The following AP4S1 variants were observed in gnomAD, a reference collection of about 807,000 sequenced individuals.
AP4S1 encodes the protein adaptor related protein complex 4 subunit sigma 1.
A neutral mutation model predicts 19.8 loss-of-function variants in AP4S1; 23 were observed. That is an observed-to-expected ratio of 1.16 (90% CI 0.84 to 1.65). AP4S1 has a LOEUF of 1.65. Among genes scored for constraint, AP4S1 ranks in the 40% most tolerant of loss-of-function variants. The probability of loss-of-function intolerance (pLI) is 0.00; values close to 1 mark genes in which losing one functional copy is unlikely to be tolerated. For synonymous variants in AP4S1, 46 were observed against 54.1 expected, an observed-to-expected ratio of 0.85 and a Z score of 0.66; for missense variants, 166 against 172.8, an observed-to-expected ratio of 0.96 and a Z score of 0.22.
chr14:31,033,927 G>C (rs754675074), intron 1 of AP4S1, among the ~76,000 whole-genome samples: 8 of 152,178 alleles, frequency 5.3e-5, no homozygotes, highest in Non-Finnish European at 8.8e-5. Flanking sequence ...TTGTTTAATA[G>C]CTAACTCATA....
At chr14:31,026,319 G>T in intron 1 of AP4S1, 1 of 978,910 alleles carries the variant, frequency 1.0e-6, no homozygotes. Flanking sequence ...GTTGCTGTGT[G>T]CCTGCCGTGG....
chr14:31,029,615 C>T (rs1172009335), intron 1 of AP4S1, among the ~76,000 whole-genome samples: 1 of 152,058 alleles, frequency 6.6e-6, no homozygotes, highest in Admixed American at 6.6e-5. Flanking sequence ...CCTAGGAATT[C>T]GAGACCAACC....
At chr14:31,036,863 G>C (rs1448218611) in intron 1 of AP4S1, among the ~76,000 whole-genome samples, 1 of 152,032 alleles carries the variant, frequency 6.6e-6, no homozygotes. Context: ...CGCCAGGCTG[G>C]AGTGCAGTGG....
intron 1 of AP4S1, among the ~76,000 whole-genome samples, chr14:31,044,477 AACTACAGGC>A (rs1314727303): frequency 1.3e-5 from 2 of 151,602 alleles, no homozygotes; most frequent in African/African-American, 4.8e-5. Flanking sequence ...AAGTAGCTGG[AACTACAGGC>A]ACATGCCACC....
chr14:31,088,357 A>C (rs1056414322), intron 5 of AP4S1, among the ~76,000 whole-genome samples: 1 of 152,124 alleles, frequency 6.6e-6, no homozygotes, highest in Non-Finnish European at 1.5e-5. Flanking sequence ...AGCAAGAGAG[A>C]TTTAGGGGAA....
intron 2 of AP4S1, among the ~76,000 whole-genome samples, chr14:31,068,330 G>T (rs1308061022): frequency 6.6e-6 from 1 of 152,208 alleles, no homozygotes; most frequent in Non-Finnish European, 1.5e-5. Context: ...TGCATAATGG[G>T]CTGCCTGTGA....
intron 4 of AP4S1, among the ~76,000 whole-genome samples, chr14:31,076,915 G>A (rs115582086): frequency 0.015 from 2,347 of 152,192 alleles, 63 homozygotes; most frequent in African/African-American, 0.052. Context: ...AAGTAGCAGC[G>A]GCACAAGCTT....
At chr14:31,056,178 C>T (rs1408047770) in intron 1 of AP4S1, among the ~76,000 whole-genome samples, 3 of 150,998 alleles carry the variant, frequency 2.0e-5, no homozygotes, top group African/African-American at 4.9e-5. Context: ...ACATACTCTA[C>T]TTTTTGTTTT....
intron 1 of AP4S1, among the ~76,000 whole-genome samples, chr14:31,050,078 C>T (rs1209660125): frequency 1.3e-5 from 2 of 152,136 alleles, no homozygotes; most frequent in African/African-American, 2.4e-5. Context: ...TGCGCCACCA[C>T]ACCCTGCTAA....
At chr14:31,069,709 G>T in intron 2 of AP4S1, 134 bp from the exon 3 acceptor site, 2 of 765,290 alleles carry the variant, frequency 2.6e-6, no homozygotes, top group East Asian at 2.5e-5. Flanking sequence ...GGTCACCAAT[G>T]GTTGTGTAAC....
intron 2 of AP4S1, among the ~76,000 whole-genome samples, chr14:31,068,617 CTCAATT>C (rs1886848873): frequency 6.6e-6 from 1 of 152,226 alleles, no homozygotes; most frequent in Non-Finnish European, 1.5e-5. Context: ...AATGCAGGCA[CTCAATT>C]TCAAACATCA....
intron 2 of AP4S1, among the ~76,000 whole-genome samples, chr14:31,067,463 C>A (rs1188712151): frequency 6.9e-6 from 1 of 144,238 alleles, no homozygotes; most frequent in South Asian, 2.3e-4. Flanking sequence ...TGATGTCCCC[C>A]ACCCTGTGTC....
chr14:31,071,070 A>G (rs1398458670), intron 3 of AP4S1, among the ~76,000 whole-genome samples: 2 of 152,048 alleles, frequency 1.3e-5, no homozygotes, highest in Non-Finnish European at 2.9e-5. Flanking sequence ...AAGGGCTGAT[A>G]TATCAAAAGC....
chr14:31,063,845 A>G (rs1411105840), intron 1 of AP4S1, among the ~76,000 whole-genome samples: 1 of 152,222 alleles, frequency 6.6e-6, no homozygotes, highest in East Asian at 1.9e-4. Context: ...GATGCTAACA[A>G]TGGCCATCTT....
chr14:31,072,850 G>A, intron 3 of AP4S1, 55 bp from the exon 4 acceptor site: 1 of 1,435,324 alleles, frequency 7.0e-7, no homozygotes, highest in Non-Finnish European at 9.8e-7. Context: ...TTCTATGTCT[G>A]GTTTACATGG....
intron 1 of AP4S1, among the ~76,000 whole-genome samples, chr14:31,065,065 A>G (rs1240943873): frequency 1.3e-5 from 2 of 152,244 alleles, no homozygotes; most frequent in African/African-American, 4.8e-5. Flanking sequence ...ATAAATTGAT[A>G]TCACTACTAT....
intron 4 of AP4S1, among the ~76,000 whole-genome samples, chr14:31,074,516 AC>A (rs1416732309): frequency 6.6e-6 from 1 of 151,940 alleles, no homozygotes; most frequent in Non-Finnish European, 1.5e-5. Context: ...ACCTGTTTCT[AC>A]TAACCATACA....
intron 1 of AP4S1, among the ~76,000 whole-genome samples, chr14:31,030,997 G>A (rs150091772): frequency 1.4e-4 from 22 of 152,196 alleles, no homozygotes; most frequent in Non-Finnish European, 2.6e-4. Flanking sequence ...TAATCCCCAC[G>A]TGTCAAGGGA....
intron 1 of AP4S1, among the ~76,000 whole-genome samples, chr14:31,065,136 AT>A (rs1457139726): frequency 2.0e-5 from 3 of 152,206 alleles, no homozygotes; most frequent in Non-Finnish European, 4.4e-5. Flanking sequence ...TGCCCATAAA[AT>A]AAAGCCCAAA....
Sources: gnomAD v4.1 joint callset for allele counts (sites outside exome capture counted in the v4.1 genomes callset) on GRCh38, gnomAD v4.1.1 for gene constraint, MANE v1.5 for transcripts, NCBI Gene and HGNC (gene_info 2026-07-23, HGNC 2026-07-21) for gene names.